Variants in SLC9A4 observed in about 807,000 individuals in gnomAD.
SLC9A4 encodes the protein solute carrier family 9 member A4.
Under a neutral mutation model 67.4 loss-of-function variants are expected in SLC9A4, and 63 were observed. That is an observed-to-expected ratio of 0.93 (90% confidence interval 0.76 to 1.15). The LOEUF is 1.15. SLC9A4 is among the 50% of genes most tolerant of loss of function. SLC9A4 has a pLI of 0.00. For synonymous variants in SLC9A4, 393 were observed against 367.2 expected, an observed-to-expected ratio of 1.07 and a Z score of -0.80; for missense variants, 1,089 against 987.7, an observed-to-expected ratio of 1.10 and a Z score of -1.38.
intron 2 of SLC9A4, among the ~76,000 whole-genome samples, chr2:102,483,826 A>ACAG (rs1558660143): frequency 1.4e-5 from 2 of 142,256 alleles, no homozygotes; most frequent in South Asian, 4.5e-4. Flanking sequence ...ATATATATAT[A>ACAG]TATATATATA....
intron 7 of SLC9A4, among the ~76,000 whole-genome samples, chr2:102,512,956 AGCGAGTCAGGGTGTGGAGG>A (rs1685195419): frequency 7.8e-6 from 1 of 128,590 alleles, no homozygotes; most frequent in Non-Finnish European, 1.6e-5. Flanking sequence ...GCGAAGCACG[AGCGAGTCAGGGTGTGGAGG>A]GCGCAGAGGG....
At chr2:102,484,395 T>C (rs562867686) in intron 2 of SLC9A4, among the ~76,000 whole-genome samples, 20 of 152,214 alleles carry the variant, frequency 1.3e-4, no homozygotes, top group Admixed American at 1.3e-4. Flanking sequence ...CAAAACACTA[T>C]GGCTTGAGGC....
At chr2:102,518,673 C>A (rs1685328958) in intron 8 of SLC9A4, among the ~76,000 whole-genome samples, 2 of 152,156 alleles carry the variant, frequency 1.3e-5, no homozygotes, top group South Asian at 4.1e-4. Flanking sequence ...ATGTACATTA[C>A]TTTTAAAATG....
At chr2:102,526,487 A>T in intron 11 of SLC9A4, 141 bp downstream of exon 11, 1 of 676,454 alleles carries the variant, frequency 1.5e-6, no homozygotes, top group Non-Finnish European at 2.4e-6. Context: ...AACTTCTTTT[A>T]TAGTTGAAAC....
intron 2 of SLC9A4, among the ~76,000 whole-genome samples, chr2:102,483,434 G>T (rs906369958): frequency 6.6e-6 from 1 of 152,250 alleles, no homozygotes; most frequent in East Asian, 1.9e-4. Context: ...ATGCCTTTTC[G>T]GCAAGGAGGC....
intron 7 of SLC9A4, 39 bp downstream of exon 7, chr2:102,512,312 A>G: frequency 1.2e-6 from 2 of 1,603,520 alleles, no homozygotes; most frequent in South Asian, 1.1e-5. Context: ...ACAAACTTCT[A>G]AAGGTTCCAT....
chr2:102,508,002 C>G (rs1685083325), intron 4 of SLC9A4, 77 bp from the exon 5 acceptor site: 4 of 1,424,248 alleles, frequency 2.8e-6, no homozygotes, highest in Non-Finnish European at 4.0e-6. Flanking sequence ...GGCACGCGCA[C>G]ACAACCTCAG....
At chr2:102,492,030 T>G (rs955410076) in intron 2 of SLC9A4, among the ~76,000 whole-genome samples, 1 of 152,246 alleles carries the variant, frequency 6.6e-6, no homozygotes, top group African/African-American at 2.4e-5. Context: ...ATGATCTCCT[T>G]TGATTCCATG....
chr2:102,509,364 A>G (rs1267378314), intron 6 of SLC9A4, among the ~76,000 whole-genome samples: 1 of 152,212 alleles, frequency 6.6e-6, no homozygotes, highest in Non-Finnish European at 1.5e-5. Context: ...AGCCACGTGG[A>G]TAGTTCAGGA....
rs564002420 is a variant in SLC9A4, at chr2:102,517,499, A to T, written c.1722-2360A>T. Among the ~76,000 whole-genome samples the T allele has an allele frequency of 2.6e-5, 4 of 152,352 alleles. No homozygotes were observed. The South Asian group carries it at 8.3e-4, about 32-fold the overall frequency. On this transcript the variant is annotated intron_variant, in intron 8 of 11. Transcript: ENST00000295269. ...GAGAGGTTGATTGATGAGAACAAAT[A>T]TACACTTGGAGAGAAGAAATAAGCT... is the stretch of plus-strand genomic sequence containing the variant.
chr2:102,505,239 C>A lies in SLC9A4; in HGVS notation c.981-15C>A. 1 of 1,611,018 alleles carries A rather than the reference C, an allele frequency of 6.2e-7. No homozygotes were observed. Among genetic ancestry groups the A allele is most frequent in the Non-Finnish European group, 8.5e-7 (1 of 1,178,374 alleles). On this transcript the variant is annotated splice_polypyrimidine_tract_variant and intron_variant, in intron 3 of 11. Coordinates refer to ENST00000295269, the MANE Select transcript of SLC9A4 (RefSeq NM_001011552.4). ...AACCTCATGGATTTTCTCTGAGACTCTGCTCCTTTTATAGAATCACAGCCT... is the reference window on the plus strand; with the variant it reads ...AACCTCATGGATTTTCTCTGAGACTATGCTCCTTTTATAGAATCACAGCCT...
intron 2 of SLC9A4, among the ~76,000 whole-genome samples, chr2:102,482,535 GT>G (rs1684487773): frequency 6.6e-6 from 1 of 152,048 alleles, no homozygotes; most frequent in Non-Finnish European, 1.5e-5. Flanking sequence ...AAATGAGTAA[GT>G]GTCGTTGTCT....
intron 11 of SLC9A4, among the ~76,000 whole-genome samples, chr2:102,526,848 T>G (rs534443871): frequency 6.6e-6 from 1 of 152,210 alleles, no homozygotes; most frequent in Admixed American, 6.5e-5. Context: ...ATTCTTAGAA[T>G]TATTGAAACT....
intron 2 of SLC9A4, among the ~76,000 whole-genome samples, chr2:102,479,837 A>C (rs1453334941): frequency 6.6e-6 from 1 of 152,178 alleles, no homozygotes; most frequent in Non-Finnish European, 1.5e-5. Flanking sequence ...GTATGGAAAA[A>C]AGTGAATGAG....
At chr2:102,520,608 G>C (rs1391939404) in intron 9 of SLC9A4, among the ~76,000 whole-genome samples, 1 of 152,124 alleles carries the variant, frequency 6.6e-6, no homozygotes, top group African/African-American at 2.4e-5. Flanking sequence ...CAAGTTTGAG[G>C]ATTTGATCAT....
intron 2 of SLC9A4, among the ~76,000 whole-genome samples, chr2:102,488,668 C>G (rs1684637344): frequency 6.6e-6 from 1 of 151,838 alleles, no homozygotes; most frequent in Non-Finnish European, 1.5e-5. Context: ...CCTGCCTCAG[C>G]CTCCCGAGTA....
intron 2 of SLC9A4, among the ~76,000 whole-genome samples, chr2:102,483,684 G>C (rs1306751989): frequency 6.6e-6 from 1 of 151,208 alleles, no homozygotes; most frequent in East Asian, 1.9e-4. Context: ...AAAGGAGGGA[G>C]ACAAAACCCA....
At chr2:102,511,363 G>A (rs1270845013) in intron 6 of SLC9A4, among the ~76,000 whole-genome samples, 4 of 151,888 alleles carry the variant, frequency 2.6e-5, no homozygotes, top group African/African-American at 9.7e-5. Flanking sequence ...TTATTATTTC[G>A]ACATATTGCA....
chr2:102,515,389 C>A (rs553090431), intron 8 of SLC9A4, among the ~76,000 whole-genome samples: 54 of 148,718 alleles, frequency 3.6e-4, no homozygotes, highest in African/African-American at 1.3e-3. Context: ...AGGCAGAAAG[C>A]TTTGTATTAT....
Sources: gnomAD v4.1 joint callset for allele counts (sites outside exome capture counted in the v4.1 genomes callset) on GRCh38, gnomAD v4.1.1 for gene constraint, MANE v1.5 for transcripts, NCBI Gene and HGNC (gene_info 2026-07-23, HGNC 2026-07-21) for gene names.